Variants in ZNF407 observed in about 807,000 individuals in gnomAD.
ZNF407 encodes zinc finger protein 407.
ZNF407 carries 17 observed loss-of-function variants against 131.2 expected under a neutral mutation model. The observed-to-expected ratio is 0.13, with a 90% CI of 0.09 to 0.19. ZNF407 has a LOEUF of 0.19. ZNF407 is among the 10% of genes least tolerant of loss of function. The pLI is 1.00. For synonymous variants in ZNF407, 1,156 were observed against 1,062.0 expected, an observed-to-expected ratio of 1.09 and a Z score of -1.72; for missense variants, 2,681 against 2,830.6, an observed-to-expected ratio of 0.95 and a Z score of 1.20.
At chr18:74,957,288 C>A (rs1321947692) in intron 8 of ZNF407, among the ~76,000 whole-genome samples, 2 of 152,156 alleles carry the variant, frequency 1.3e-5, no homozygotes, top group Non-Finnish European at 2.9e-5. Flanking sequence ...GCACAGTCAG[C>A]CCACGCCCCT....
At chr18:74,783,885 T>C (rs1969655929) in intron 4 of ZNF407, among the ~76,000 whole-genome samples, 1 of 152,244 alleles carries the variant, frequency 6.6e-6, no homozygotes, top group Admixed American at 6.5e-5. Flanking sequence ...TTTTGACGTC[T>C]GCTTATATGG....
At chr18:75,023,022 C>T (rs1414120863) in intron 8 of ZNF407, among the ~76,000 whole-genome samples, 4 of 152,154 alleles carry the variant, frequency 2.6e-5, no homozygotes, top group Non-Finnish European at 4.4e-5. Flanking sequence ...AGATCATGTC[C>T]TTTGCTGGGA....
chr18:74,631,714 T>C lies in ZNF407; in HGVS notation c.695T>C (p.Met232Thr), dbSNP rs1445818531. ...GCAGAGAGCAGCTCAGCACTACATA[T>C]GCATATCAAACAAGCACATGGGCCA... ...HKAESSSALH[M>T]HIKQAHGPQK... Residue 232 changes from methionine to threonine, a missense_variant, in exon 2 of 9, where the codon ATG (methionine) becomes ACG (threonine). Around this residue, in one of 6 missense-constraint regions of ZNF407, gnomAD observed 1,789 missense variants for 1,748.7 expected, o/e 1.02. Transcript: ENST00000299687. The C allele has an allele frequency of 6.2e-7, 1 of 1,614,000 alleles. No individual in the cohort carries two copies. Among genetic ancestry groups the C allele is most frequent in the South Asian group, 1.1e-5 (1 of 91,080 alleles).
At chr18:74,803,759 C>T (rs550983163) in intron 4 of ZNF407, among the ~76,000 whole-genome samples, 1 of 152,188 alleles carries the variant, frequency 6.6e-6, no homozygotes, top group South Asian at 2.1e-4. Flanking sequence ...TTTTACAAAC[C>T]AGGGAAGCTG....
At chr18:74,606,027 A>G (rs1982789853) in intron 1 of ZNF407, among the ~76,000 whole-genome samples, 2 of 152,240 alleles carry the variant, frequency 1.3e-5, no homozygotes, top group South Asian at 4.1e-4. Flanking sequence ...GAAAGAGGCC[A>G]TGGTTTCACG....
chr18:74,603,365 A>G (rs930663521), intron 1 of ZNF407, among the ~76,000 whole-genome samples: 4 of 152,226 alleles, frequency 2.6e-5, no homozygotes, highest in Non-Finnish European at 4.4e-5. Flanking sequence ...AAAAATTGCA[A>G]ATAGTACAGT....
chr18:74,794,060 A>G (rs1269193379), intron 4 of ZNF407, among the ~76,000 whole-genome samples: 1 of 152,220 alleles, frequency 6.6e-6, no homozygotes, highest in African/African-American at 2.4e-5. Flanking sequence ...CAGGTGTGAC[A>G]TTGAGTCGAG....
In ZNF407 at chr18:74,609,067, G is replaced by C. The variant is rs147523492; in HGVS notation, c.-54+11130G>C. On this transcript the variant is annotated intron_variant, in intron 1 of 8. Transcript: ENST00000299687. ...GGTATTTCATATCTTGAGAAGGTTT[G>C]TTATTATTTATTAGAACCAAACATA... is the stretch of plus-strand genomic sequence containing the variant. Among the ~76,000 whole-genome samples, 576 of 152,170 alleles carry C rather than the reference G, an allele frequency of 3.8e-3. 1 individual carries two copies. Among genetic ancestry groups the C allele is most frequent in the African/African-American group, 0.013 (546 of 41,530 alleles).
At chr18:74,884,675 A>G (rs976285629) in intron 6 of ZNF407, among the ~76,000 whole-genome samples, 3 of 152,342 alleles carry the variant, frequency 2.0e-5, no homozygotes, top group Non-Finnish European at 2.9e-5. Flanking sequence ...TATGAACTAT[A>G]GAGAATATAT....
At chr18:74,785,907 C>A (rs910980182) in intron 4 of ZNF407, among the ~76,000 whole-genome samples, 2 of 151,792 alleles carry the variant, frequency 1.3e-5, no homozygotes, top group Non-Finnish European at 2.9e-5. Context: ...ACATGGGACA[C>A]ACATGTCACA....
chr18:74,711,373 G>A (rs1318898387), intron 3 of ZNF407, among the ~76,000 whole-genome samples: 2 of 152,126 alleles, frequency 1.3e-5, no homozygotes, highest in Admixed American at 1.3e-4. Flanking sequence ...TATCTGGAGG[G>A]GCCCAATGTG....
intron 8 of ZNF407, among the ~76,000 whole-genome samples, chr18:75,027,561 G>A (rs1394467145): frequency 6.6e-6 from 1 of 152,188 alleles, no homozygotes; most frequent in Admixed American, 6.5e-5. Flanking sequence ...ATGGAAGGTA[G>A]GGAGGGAGCA....
At chr18:74,736,236 A>G (rs552911178) in intron 3 of ZNF407, among the ~76,000 whole-genome samples, 1 of 152,238 alleles carries the variant, frequency 6.6e-6, no homozygotes, top group African/African-American at 2.4e-5. Flanking sequence ...TTTGCACTCA[A>G]TTATATTGTG....
intron 8 of ZNF407, among the ~76,000 whole-genome samples, chr18:75,044,587 T>A (rs963543201): frequency 1.3e-5 from 2 of 152,200 alleles, no homozygotes; most frequent in South Asian, 4.1e-4. Flanking sequence ...GAAGTGAATC[T>A]GACCTTGAAA....
intron 1 of ZNF407, among the ~76,000 whole-genome samples, chr18:74,622,931 T>A (rs1000801397): frequency 6.6e-6 from 1 of 151,514 alleles, no homozygotes; most frequent in African/African-American, 2.4e-5. Flanking sequence ...TATCTGTGAA[T>A]GTGTGTGTAT....
At chr18:74,684,515 C>T (rs1358859795) in intron 3 of ZNF407, among the ~76,000 whole-genome samples, 2 of 152,140 alleles carry the variant, frequency 1.3e-5, no homozygotes, top group African/African-American at 2.4e-5. Context: ...CACCGAGTCA[C>T]GTTCAGTTAT....
Position 75,063,467 on chromosome 18 carries a change from C to T in ZNF407, c.5746C>T (p.Gln1916Ter). The T allele has an allele frequency of 6.2e-7, 1 of 1,604,386 alleles. No individual in the cohort carries two copies. Among genetic ancestry groups the T allele is most frequent in the Non-Finnish European group, 8.5e-7 (1 of 1,176,716 alleles). Residue 1916 changes from glutamine (Q) to a stop codon, truncating the protein, a stop_gained, in exon 9 of 9, where the codon CAG becomes TAG. Transcript: ENST00000299687. LOFTEE classifies it low-confidence loss of function (END_TRUNC). This position sits in a 1 kb window ranked among gnomAD's most constrained non-coding sequence, Gnocchi z 6.6. ...GGATGGCCAGGTCATCGCCACGAGT[C>T]AGAGCGGGGCACATGTAGGCAGCGT... ...TEDGQVIATSQSGAHVGSVVP... is the reference protein window; with the variant it reads ...TEDGQVIATS
intron 1 of ZNF407, among the ~76,000 whole-genome samples, chr18:74,617,070 T>A (rs1983336007): frequency 2.6e-4 from 3 of 11,404 alleles, no homozygotes; most frequent in African/African-American, 3.7e-4. Flanking sequence ...CACATCCATA[T>A]CCACACACAT....
chr18:74,983,717 A>G (rs1599278452), intron 8 of ZNF407, among the ~76,000 whole-genome samples: 1 of 152,238 alleles, frequency 6.6e-6, no homozygotes, highest in African/African-American at 2.4e-5. Flanking sequence ...GAAGCAGGAT[A>G]GGCACTGGGA....
Sources: allele counts gnomAD v4.1 joint callset (sites outside exome capture counted in the v4.1 genomes callset), GRCh38; gene constraint gnomAD v4.1.1; regional missense constraint gnomAD v4.1.1; non-coding constraint Gnocchi (gnomAD v3.1); transcripts MANE v1.5; gene names NCBI Gene and HGNC (gene_info 2026-07-23, HGNC 2026-07-21).